The following PPM1E variants were observed in gnomAD, a reference collection of about 807,000 sequenced individuals.
PPM1E encodes protein phosphatase 1E.
A neutral mutation model predicts 65.9 loss-of-function variants in PPM1E; 20 were observed. The observed-to-expected ratio is 0.30, with a 90% CI of 0.21 to 0.44. The LOEUF (loss-of-function observed/expected upper bound fraction) is 0.44, where lower values mean the gene tolerates loss of function less well. Among genes scored for constraint, PPM1E ranks in the 20% least tolerant of loss-of-function variants. The pLI, the probability that PPM1E is intolerant of heterozygous loss-of-function variation, is 1.00. For synonymous variants in PPM1E, 352 were observed against 374.9 expected, an observed-to-expected ratio of 0.94 and a Z score of 0.70; for missense variants, 713 against 953.1, an observed-to-expected ratio of 0.75 and a Z score of 3.32.
At chr17:58,889,695 T>G (rs1368098390) in intron 1 of PPM1E, among the ~76,000 whole-genome samples, 3 of 152,230 alleles carry the variant, frequency 2.0e-5, no homozygotes, top group Non-Finnish European at 4.4e-5. Flanking sequence ...AATGCTAAAT[T>G]GGTAAAATTA....
In PPM1E at chr17:58,982,953, T is replaced by TATTG; in HGVS notation, c.*1923_*1926dup. ...AAACAAGAAAACAAAGGCAGCAGAC[T>TATTG]ATTGGTACACATTATAGTCCAAAGT... is the stretch of plus-strand genomic sequence containing the variant. On this transcript the variant is annotated 3_prime_UTR_variant, in exon 7 of 7. Coordinates refer to ENST00000308249, the MANE Select transcript of PPM1E (RefSeq NM_014906.5). 3 of 1,564,162 alleles carry TATTG rather than the reference T, an allele frequency of 1.9e-6. No homozygotes were observed. The South Asian group carries it at 3.5e-5, about 18-fold the overall frequency.
intron 1 of PPM1E, among the ~76,000 whole-genome samples, chr17:58,879,427 G>C (rs966596497): frequency 7.0e-6 from 1 of 143,630 alleles, no homozygotes; most frequent in African/African-American, 2.6e-5. Flanking sequence ...TGTTTACTCT[G>C]TATTTTTCAC....
chr17:58,966,610 T>C (rs959465485), intron 3 of PPM1E: 5 of 169,314 alleles, frequency 3.0e-5, no homozygotes, highest in Admixed American at 6.4e-5. Flanking sequence ...TGGAATTATA[T>C]TTCATAAATC....
intron 1 of PPM1E, among the ~76,000 whole-genome samples, chr17:58,907,424 A>T (rs1229632456): frequency 6.6e-6 from 1 of 152,114 alleles, no homozygotes; most frequent in Non-Finnish European, 1.5e-5. Context: ...GTCTATCTGG[A>T]TGAATGTTCC....
chr17:58,820,434 G>A (rs925982708), intron 1 of PPM1E, among the ~76,000 whole-genome samples: 1 of 152,142 alleles, frequency 6.6e-6, no homozygotes, highest in African/African-American at 2.4e-5. Flanking sequence ...CAGGATTAAA[G>A]AAGATAATAA....
intron 1 of PPM1E, among the ~76,000 whole-genome samples, chr17:58,810,735 A>G (rs1441954544): frequency 2.0e-5 from 3 of 152,114 alleles, no homozygotes; most frequent in Admixed American, 6.6e-5. Flanking sequence ...TCTGCATCTA[A>G]TAGTTGAACT....
intron 1 of PPM1E, among the ~76,000 whole-genome samples, chr17:58,830,965 G>A (rs1300498036): frequency 3.4e-5 from 5 of 149,218 alleles, no homozygotes; most frequent in South Asian, 2.1e-4. Context: ...TATTACAGGC[G>A]TGAGCCACCC....
chr17:58,980,422 T>C lies in PPM1E; in HGVS notation c.1659T>C (p.Thr553=). ...DGRVDSFTDR[T]SLSPGSQINV... The stretch of plus-strand genomic sequence containing the variant: ...GTGTGGATTCATTCACTGATAGAAC[T>C]AGCCTGAGCCCAGGGTCCCAAATCA... Residue 553 remains threonine, a synonymous_variant, in exon 7 of 7, where the codon ACT becomes ACC. Coordinates refer to ENST00000308249, the MANE Select transcript of PPM1E (RefSeq NM_014906.5). The surrounding 1 kb of genome is among the most constrained non-coding windows in gnomAD (Gnocchi z 4.7). 1 of 1,614,088 alleles carries C rather than the reference T, an allele frequency of 6.2e-7. No homozygotes were observed. Among genetic ancestry groups the C allele is most frequent in the Admixed American group, 1.7e-5 (1 of 60,006 alleles).
At chr17:58,829,020 A>G (rs1598597263) in intron 1 of PPM1E, among the ~76,000 whole-genome samples, 2 of 152,132 alleles carry the variant, frequency 1.3e-5, no homozygotes, top group East Asian at 1.9e-4. Context: ...GAGCCACTAT[A>G]TACTGTGTTT....
At chr17:58,941,253 G>A (rs1485993179) in intron 1 of PPM1E, among the ~76,000 whole-genome samples, 1 of 152,146 alleles carries the variant, frequency 6.6e-6, no homozygotes, top group Admixed American at 6.5e-5. Flanking sequence ...AAAGCATTTG[G>A]ATTTTAAAGG....
intron 1 of PPM1E, among the ~76,000 whole-genome samples, chr17:58,758,271 C>G (rs1179787390): frequency 6.6e-6 from 1 of 151,940 alleles, no homozygotes; most frequent in Non-Finnish European, 1.5e-5. Flanking sequence ...TAGCTCACTC[C>G]CGTAATCCCA....
At chr17:58,870,199 GAGA>G (rs1039914293) in intron 1 of PPM1E, among the ~76,000 whole-genome samples, 24 of 152,294 alleles carry the variant, frequency 1.6e-4, no homozygotes, top group African/African-American at 5.5e-4. Context: ...GGAGCTGAAG[GAGA>G]AGAAGAAATG....
chr17:58,756,667 TCGGC>T (rs2049769800), intron 1 of PPM1E, among the ~76,000 whole-genome samples: 1 of 77,592 alleles, frequency 1.3e-5, no homozygotes, highest in Admixed American at 1.0e-4. Flanking sequence ...CACGCCCGCC[TCGGC>T]CCCCACGCCT....
intron 1 of PPM1E, among the ~76,000 whole-genome samples, chr17:58,939,042 C>T (rs187673243): frequency 4.3e-4 from 65 of 152,206 alleles, no homozygotes; most frequent in African/African-American, 1.4e-3. Flanking sequence ...CCCACCTCAG[C>T]CTCCCAAAGT....
In PPM1E at chr17:58,771,419, A is replaced by G. The variant is rs1018571690; in HGVS notation, c.464+14958A>G. Among the ~76,000 whole-genome samples, 62 of 151,374 alleles carry G rather than the reference A, an allele frequency of 4.1e-4. 1 individual carries two copies. Among genetic ancestry groups the G allele is most frequent in the Admixed American group, 2.7e-3 (41 of 15,110 alleles). The stretch of plus-strand genomic sequence containing the variant: ...GGCGGGTGGATCACAAGGTCAAGAG[A>G]TCGAGACCAGCCTGGCCAACATGGT... On this transcript the variant is annotated intron_variant, in intron 1 of 6. Coordinates refer to ENST00000308249, the MANE Select transcript of PPM1E (RefSeq NM_014906.5).
chr17:58,923,305 A>C (rs2051778578), intron 1 of PPM1E, among the ~76,000 whole-genome samples: 2 of 150,634 alleles, frequency 1.3e-5, no homozygotes, highest in Non-Finnish European at 3.0e-5. Context: ...AAAAAAAAGA[A>C]AGAAAGAAAA....
rs151205066 is a variant in PPM1E at position 58,980,083 on chromosome 17, C to T, written c.1320C>T (p.Thr440=). Residue 440 remains threonine (T), a synonymous_variant, in exon 7 of 7, where the codon ACC becomes ACT. Coordinates refer to ENST00000308249, the MANE Select transcript of PPM1E (RefSeq NM_014906.5). This position sits in a 1 kb window ranked among gnomAD's most constrained non-coding sequence, Gnocchi z 4.7. ...LILACDGFYD[T]VNPDEAVKVV... Reference sequence around the variant, plus strand: ...TGGCCTGTGATGGCTTCTATGACACCGTGAACCCTGATGAGGCAGTGAAAG... The same window carrying T: ...TGGCCTGTGATGGCTTCTATGACACTGTGAACCCTGATGAGGCAGTGAAAG... 2.1e-4 allele frequency: 331 copies of T among 1,613,964 alleles called. 5 individuals carry two copies. Among genetic ancestry groups the T allele is most frequent in the Non-Finnish European group, 1.9e-4 (225 of 1,180,030 alleles).
intron 1 of PPM1E, among the ~76,000 whole-genome samples, chr17:58,940,516 A>G (rs957656394): frequency 6.6e-6 from 1 of 152,242 alleles, no homozygotes; most frequent in Non-Finnish European, 1.5e-5. Flanking sequence ...AAATTATATT[A>G]ACTGTGACTA....
intron 1 of PPM1E, among the ~76,000 whole-genome samples, chr17:58,781,894 A>G (rs2050053999): frequency 6.6e-6 from 1 of 152,190 alleles, no homozygotes; most frequent in Non-Finnish European, 1.5e-5. Context: ...TCAAAAGAAA[A>G]AAAAAATAAA....
Sources: gnomAD v4.1 joint callset for allele counts (sites outside exome capture counted in the v4.1 genomes callset) on GRCh38, gnomAD v4.1.1 for gene constraint, Gnocchi (gnomAD v3.1) non-coding constraint, MANE v1.5 for transcripts, NCBI Gene and HGNC (gene_info 2026-07-23, HGNC 2026-07-21) for gene names.